Variants in SCN3A observed in about 807,000 individuals in gnomAD.
SCN3A encodes the protein sodium channel protein type 3 subunit alpha.
SCN3A carries 60 observed loss-of-function variants against 187.6 expected under a neutral mutation model. That is an observed-to-expected ratio of 0.32 (90% CI 0.26 to 0.40). The LOEUF is 0.40. Among genes scored for constraint, SCN3A ranks in the 10% least tolerant of loss-of-function variants. The pLI is 1.00. For synonymous variants in SCN3A, 788 were observed against 829.2 expected (o/e 0.95, Z 0.85); for missense variants, 1,601 against 2,428.2 (o/e 0.66, Z 7.16).
intron 15 of SCN3A, 50 bp downstream of exon 15, chr2:165,137,829 A>G (rs201402946): frequency 1.2e-5 from 16 of 1,381,190 alleles, no homozygotes; most frequent in East Asian, 4.6e-5. Flanking sequence ...CCTTTGGTCT[A>G]TCTCTCCCAC....
intron 3 of SCN3A, among the ~76,000 whole-genome samples, chr2:165,174,587 T>C (rs902377404): frequency 6.6e-6 from 1 of 152,208 alleles, no homozygotes; most frequent in Non-Finnish European, 1.5e-5. Context: ...ACACTTCCTT[T>C]CTTTAAGTAG....
chr2:165,179,989 A>T (rs1690736217), intron 2 of SCN3A, among the ~76,000 whole-genome samples: 1 of 152,016 alleles, frequency 6.6e-6, no homozygotes, highest in South Asian at 2.1e-4. Context: ...TAATTTATTA[A>T]AATACATAAA....
At chr2:165,113,746 G>T in intron 20 of SCN3A, 70 bp downstream of exon 20, 1 of 1,501,230 alleles carries the variant, frequency 6.7e-7, no homozygotes, top group Non-Finnish European at 9.3e-7. Flanking sequence ...CTCAGTGTTT[G>T]CATCTGGTAA....
At chr2:165,095,295 A>G (rs1426341083) in intron 25 of SCN3A, among the ~76,000 whole-genome samples, 2 of 152,178 alleles carry the variant, frequency 1.3e-5, no homozygotes, top group Non-Finnish European at 2.9e-5. Flanking sequence ...GAAGGAGTGG[A>G]CACATTTTTG....
At chr2:165,112,179 A>G (rs1022275469) in intron 21 of SCN3A, among the ~76,000 whole-genome samples, 5 of 152,190 alleles carry the variant, frequency 3.3e-5, no homozygotes, top group Non-Finnish European at 7.4e-5. Flanking sequence ...GAGGACTGTC[A>G]TGTTGTCCCA....
rs79800315 is a variant in SCN3A, at chr2:165,144,763, C to A, written c.1671+1976G>T. ...ATAACTTATTTATTTTATTCATTGT[C>A]CGTCTCCTTTGGAAAAAATTTCCAT... On this transcript the variant is annotated intron_variant, in intron 12 of 27. Transcript: ENST00000283254. 8.9e-3 allele frequency among the ~76,000 whole-genome samples: 1,351 copies of A among 152,074 alleles called. 24 individuals carry two copies. The highest frequency in any genetic ancestry group is 0.031 in the African/African-American group (1,297 of 41,482).
chr2:165,127,550 A>G (rs1383647693), intron 18 of SCN3A, 81 bp downstream of exon 18: 1 of 1,132,106 alleles, frequency 8.8e-7, no homozygotes, highest in Non-Finnish European at 1.3e-6. Context: ...GATAATGCAT[A>G]TAAGCACAAT....
chr2:165,090,156 T>G lies in SCN3A; in HGVS notation c.5997A>C (p.Gln1999His), dbSNP rs145220602. The G allele has an allele frequency of 3.2e-5, 50 of 1,578,264 alleles. No individual in the cohort carries two copies. In the African/African-American group the frequency reaches 5.9e-4, roughly 19 times the overall value. Residue 1999 changes from glutamine (Q) to histidine (H), a missense_variant, in exon 28 of 28, where the codon CAA becomes CAC. This residue lies in a region of SCN3A where 87 missense variants were observed against 89.2 expected (regional missense o/e 0.98). Coordinates refer to ENST00000283254, the MANE Select transcript of SCN3A (RefSeq NM_006922.4). This position sits in a 1 kb window ranked among gnomAD's most constrained non-coding sequence, Gnocchi z 4.0. ...ESKGKEVREN[Q>H]K ...GATAATTCTTTGTTTCTTTTTACTT[T>G]TGATTTTCTCTGACCTCTTTTCCTT...
At chr2:165,153,725 T>C (rs1042028919) in intron 11 of SCN3A, among the ~76,000 whole-genome samples, 3 of 152,156 alleles carry the variant, frequency 2.0e-5, no homozygotes, top group African/African-American at 7.2e-5. Context: ...ATACCAAATG[T>C]TGGCAAAAAT....
At chr2:165,123,336 A>T (rs980359605) in intron 18 of SCN3A, among the ~76,000 whole-genome samples, 2 of 152,158 alleles carry the variant, frequency 1.3e-5, no homozygotes, top group African/African-American at 4.8e-5. Flanking sequence ...TATAACAGCA[A>T]TTCCCATGTT....
At chr2:165,171,008 G>A (rs1052842058) in intron 3 of SCN3A, among the ~76,000 whole-genome samples, 4 of 151,926 alleles carry the variant, frequency 2.6e-5, no homozygotes, top group Admixed American at 6.6e-5. Flanking sequence ...GTTCAAACAG[G>A]TTGAATAATC....
chr2:165,125,139 G>A (rs548427988), intron 18 of SCN3A, among the ~76,000 whole-genome samples: 3 of 152,132 alleles, frequency 2.0e-5, no homozygotes, highest in Admixed American at 2.0e-4. Flanking sequence ...TTAATACCAA[G>A]CTCACTGTCA....
At position 165,178,584 on chromosome 2, in the gene SCN3A, A is replaced by G. The variant is rs528539652; in HGVS notation, c.-50-2140T>C. Among the ~76,000 whole-genome samples, 9 of 152,320 alleles carry G rather than the reference A, an allele frequency of 5.9e-5. No homozygotes were observed. In the South Asian group the frequency reaches 1.7e-3, roughly 28 times the overall value. ...TTTTCTTTGAGTTAGTATTTATGAT[A>G]TAACATTGTCATTATATCTTTTGCT... On this transcript the variant is annotated intron_variant, in intron 2 of 27. Coordinates refer to ENST00000283254, the MANE Select transcript of SCN3A (RefSeq NM_006922.4).
chr2:165,118,908 G>A (rs1198202757), intron 18 of SCN3A, among the ~76,000 whole-genome samples: 1 of 152,026 alleles, frequency 6.6e-6, no homozygotes, highest in African/African-American at 2.4e-5. Flanking sequence ...GACTACAGGC[G>A]CCCGCCACCA....
In SCN3A at chr2:165,092,341, C is replaced by A; in HGVS notation, c.4720G>T (p.Val1574Leu). 1.2e-6 allele frequency: 2 copies of A among 1,613,954 alleles called. No individual in the cohort carries two copies. Among genetic ancestry groups the A allele is most frequent in the Non-Finnish European group, 1.7e-6 (2 of 1,179,928 alleles). The stretch of plus-strand genomic sequence containing the variant: ...TGTCTGAGGGAGACGAGCTTCAGCA[C>A]AAATTCTCCAGTGAACAGAACAATG... ...VFIVLFTGEF[V>L]LKLVSLRHYY... Residue 1574 changes from valine to leucine, a missense_variant, in exon 27 of 28, where the codon GTG (valine) becomes TTG (leucine). Val to Leu is a conservative substitution (Grantham distance 32, BLOSUM62 1). This residue lies in a region of SCN3A where 320 missense variants were observed against 623.2 expected (regional missense o/e 0.51). Coordinates refer to ENST00000283254, the MANE Select transcript of SCN3A (RefSeq NM_006922.4). This position sits in a 1 kb window ranked among gnomAD's most constrained non-coding sequence, Gnocchi z 4.2.
rs187993783 is a variant in SCN3A, at chr2:165,150,671, A to G, written c.1381-3642T>C. 4.0e-3 allele frequency among the ~76,000 whole-genome samples: 614 copies of G among 152,304 alleles called. 4 individuals are homozygous for G. Among genetic ancestry groups the G allele is most frequent in the African/African-American group, 0.014 (587 of 41,562 alleles). On this transcript the variant is annotated intron_variant, in intron 11 of 27. Transcript: ENST00000283254. The stretch of plus-strand genomic sequence containing the variant: ...TAGGTTCTTTAAACTTCTACTAGAA[A>G]TAGTGCATGTTTATTTCTAAGTTCA...
At chr2:165,146,696 T>A in intron 12 of SCN3A, 43 bp downstream of exon 12, 1 of 1,608,976 alleles carries the variant, frequency 6.2e-7, no homozygotes, top group Admixed American at 1.7e-5. Context: ...TAAAAAGCAA[T>A]AGCAATGACA....
intron 1 of SCN3A, 125 bp downstream of exon 1, chr2:165,203,698 T>A (rs1260773235): frequency 7.9e-5 from 12 of 152,056 alleles, no homozygotes; most frequent in Admixed American, 7.9e-4. Context: ...TGCCTTTGGT[T>A]CCTGTAATTT....
chr2:165,094,660 T>G (rs892682734), intron 25 of SCN3A, among the ~76,000 whole-genome samples, 182 bp from the exon 26 acceptor site: 15 of 152,186 alleles, frequency 9.9e-5, no homozygotes, highest in African/African-American at 3.6e-4. Context: ...GCAAAATCCT[T>G]ACGTACATAA....
Sources: gnomAD v4.1 joint callset for allele counts (sites outside exome capture counted in the v4.1 genomes callset) on GRCh38, gnomAD v4.1.1 for gene constraint, gnomAD v4.1.1 regional missense constraint, Gnocchi (gnomAD v3.1) non-coding constraint, MANE v1.5 for transcripts, NCBI Gene and HGNC (gene_info 2026-07-23, HGNC 2026-07-21) for gene names.